Variants in SPAG9 observed in about 807,000 individuals in gnomAD.
SPAG9 encodes sperm associated antigen 9.
Under a neutral mutation model 166.5 loss-of-function variants are expected in SPAG9, and 35 were observed. That is an observed-to-expected ratio of 0.21 (90% confidence interval 0.16 to 0.28). SPAG9 has a LOEUF of 0.28. SPAG9 is among the 10% of genes least tolerant of loss of function. The pLI, the probability that SPAG9 is intolerant of heterozygous loss-of-function variation, is 1.00. For missense variants in SPAG9, 1,235 were observed against 1,603.3 expected, an observed-to-expected ratio of 0.77 and a Z score of 3.92; for synonymous variants, 534 against 565.5, an observed-to-expected ratio of 0.94 and a Z score of 0.79.
intron 9 of SPAG9, among the ~76,000 whole-genome samples, chr17:51,012,117 A>AT (rs1378875711): frequency 1.3e-5 from 2 of 152,222 alleles, no homozygotes; most frequent in African/African-American, 4.8e-5. Flanking sequence ...CTGAATATAC[A>AT]TTTTAAAATT....
chr17:50,977,362 G>A, intron 26 of SPAG9, 141 bp from the exon 27 acceptor site: 1 of 635,486 alleles, frequency 1.6e-6, no homozygotes, highest in African/African-American at 1.8e-5. Flanking sequence ...CAACACAGAG[G>A]AAATGTGACT....
chr17:51,029,887 A>G (rs2046323329), intron 6 of SPAG9, among the ~76,000 whole-genome samples: 1 of 152,204 alleles, frequency 6.6e-6, no homozygotes, highest in Non-Finnish European at 1.5e-5. Flanking sequence ...TACTTACACT[A>G]TTGAACTATA....
intron 1 of SPAG9, among the ~76,000 whole-genome samples, chr17:51,115,828 C>CA (rs915419234): frequency 1.5e-4 from 21 of 144,656 alleles, no homozygotes; most frequent in Admixed American, 9.0e-4. Flanking sequence ...AACTCCATCT[C>CA]AAAAAAAAAG....
At chr17:51,034,474 G>C (rs2046508469) in intron 5 of SPAG9, among the ~76,000 whole-genome samples, 1 of 152,118 alleles carries the variant, frequency 6.6e-6, no homozygotes. Context: ...AAAAAGGATG[G>C]GGTATGTCAA....
intron 13 of SPAG9, among the ~76,000 whole-genome samples, chr17:51,000,092 T>C (rs941932404): frequency 2.6e-5 from 4 of 152,182 alleles, no homozygotes; most frequent in African/African-American, 9.7e-5. Context: ...AAAGTCTCTA[T>C]CATCTATACT....
intron 1 of SPAG9, among the ~76,000 whole-genome samples, chr17:51,087,631 C>T (rs1260634011): frequency 6.6e-6 from 1 of 152,178 alleles, no homozygotes; most frequent in African/African-American, 2.4e-5. Context: ...ATTCAGAGAT[C>T]TTAGTTGGGC....
intron 6 of SPAG9, chr17:51,031,363 C>A: frequency 2.9e-6 from 1 of 346,026 alleles, no homozygotes; most frequent in Non-Finnish European, 5.4e-6. Flanking sequence ...TACATTATGC[C>A]CTGAAGAAGG....
chr17:51,044,405 T>G (rs1461864503), intron 4 of SPAG9, among the ~76,000 whole-genome samples: 1 of 152,200 alleles, frequency 6.6e-6, no homozygotes, highest in Non-Finnish European at 1.5e-5. Context: ...TCAACAACTA[T>G]CAGAATTCTT....
chr17:51,080,452 T>C (rs1168614775), intron 1 of SPAG9, among the ~76,000 whole-genome samples: 1 of 152,208 alleles, frequency 6.6e-6, no homozygotes, highest in Non-Finnish European at 1.5e-5. Context: ...ACTTATTCCC[T>C]AGTGATCGCG....
At chr17:51,004,270 AG>A (rs1207183209) in intron 12 of SPAG9, among the ~76,000 whole-genome samples, 1 of 152,134 alleles carries the variant, frequency 6.6e-6, no homozygotes, top group African/African-American at 2.4e-5. Flanking sequence ...ATTGGGTGGT[AG>A]GTTCACAATG....
Position 51,025,205 on chromosome 17 carries a change from G to C in SPAG9, c.784-3840C>G, listed in dbSNP as rs1363046388. On this transcript the variant is annotated intron_variant, in intron 6 of 29. Coordinates refer to ENST00000262013, the MANE Select transcript of SPAG9 (RefSeq NM_001130528.3). Reference sequence around the variant, plus strand: ...ATGGTGGCACATGCCTGTAATCCCAGGTACTCAGGAGGCTGAGGCAGAGGA... The same window carrying C: ...ATGGTGGCACATGCCTGTAATCCCACGTACTCAGGAGGCTGAGGCAGAGGA... Among the ~76,000 whole-genome samples, 23 of 149,378 alleles carry C rather than the reference G, an allele frequency of 1.5e-4. No individual in the cohort carries two copies. The Admixed American group carries it at 1.5e-3, about 10-fold the overall frequency.
chr17:51,094,927 GAGA>G (rs1326346724), intron 1 of SPAG9, among the ~76,000 whole-genome samples: 3 of 152,192 alleles, frequency 2.0e-5, no homozygotes, highest in Non-Finnish European at 4.4e-5. Flanking sequence ...GCAATTCACA[GAGA>G]AGTAGAATCA....
rs879689153 is a variant in SPAG9, at chr17:51,077,093, T to TCTAGCTAGCTAGCTAG, written c.424+2490_424+2491insCTAGCTAGCTAGCTAG. 2.3e-4 allele frequency among the ~76,000 whole-genome samples: 13 copies of TCTAGCTAGCTAGCTAG among 56,094 alleles called. No individual in the cohort carries two copies. In the East Asian group the frequency reaches 3.5e-3, roughly 15 times the overall value. 36.8% of individuals were successfully genotyped at this position (56,094 alleles called of 152,430 possible). On this transcript the variant is annotated intron_variant, in intron 2 of 29. Transcript: ENST00000262013. ...AGCTATCTAGCTATCTAGCTAGCTATCTATCTAGCTAGCTATCTAGCTATC... is the reference window on the plus strand; with the variant it reads ...AGCTATCTAGCTATCTAGCTAGCTATCTAGCTAGCTAGCTAGCTATCTAGCTAGCTATCTAGCTATC...
intron 3 of SPAG9, among the ~76,000 whole-genome samples, chr17:51,051,737 T>C (rs1304886737): frequency 6.6e-6 from 1 of 152,008 alleles, no homozygotes; most frequent in African/African-American, 2.4e-5. Context: ...AATCAGGCAA[T>C]AGAATCTGAC....
intron 20 of SPAG9, 58 bp from the exon 21 acceptor site, chr17:50,989,930 C>T: frequency 1.4e-6 from 2 of 1,388,754 alleles, no homozygotes; most frequent in Non-Finnish European, 2.0e-6. Context: ...AATTATTTCC[C>T]CACACAAACC....
In SPAG9 at chr17:51,031,666, A is replaced by G. The variant is rs1158254371; in HGVS notation, c.783+15T>C. ...AGTATACTTTTTGCAAAATGTTAAG[A>G]AGCACCATTCTCACCTCCTGTTCTA... On this transcript the variant is annotated intron_variant, in intron 6 of 29. Transcript: ENST00000262013. 1 of 1,547,688 alleles carries G rather than the reference A, an allele frequency of 6.5e-7. No homozygotes were observed.
intron 2 of SPAG9, among the ~76,000 whole-genome samples, chr17:51,062,135 T>G (rs898846368): frequency 1.3e-5 from 2 of 152,250 alleles, no homozygotes; most frequent in Admixed American, 6.5e-5. Flanking sequence ...TTTAGAGCCG[T>G]TTTAGGGTCA....
intron 2 of SPAG9, among the ~76,000 whole-genome samples, chr17:51,063,132 G>A (rs1403820084): frequency 6.6e-6 from 1 of 152,078 alleles, no homozygotes; most frequent in East Asian, 1.9e-4. Context: ...ATGCTGGCCG[G>A]GCACAGTGGC....
chr17:51,066,554 CAAAAAAAAAAAAGAA>C (rs1377501056), intron 2 of SPAG9, among the ~76,000 whole-genome samples: 309 of 21,344 alleles, frequency 0.014, 6 homozygotes, highest in African/African-American at 0.052. Context: ...GACTCTGTCT[CAAAAAAAAAAAAGAA>C]AAAAAAAAAA....
Sources: allele counts gnomAD v4.1 joint callset (sites outside exome capture counted in the v4.1 genomes callset), GRCh38; gene constraint gnomAD v4.1.1; transcripts MANE v1.5; gene names NCBI Gene and HGNC (gene_info 2026-07-23, HGNC 2026-07-21).